The following CSDE1 variants were observed in gnomAD, a reference collection of about 807,000 sequenced individuals.
CSDE1 encodes cold shock domain containing E1.
A neutral mutation model predicts 89.3 loss-of-function variants in CSDE1; 17 were observed. The observed-to-expected ratio is 0.19, with a 90% confidence interval of 0.13 to 0.29. The LOEUF is 0.29. CSDE1 is among the 10% of genes least tolerant of loss of function. The pLI, the probability that CSDE1 is intolerant of heterozygous loss-of-function variation, is 1.00. For missense variants in CSDE1, 672 were observed against 984.2 expected (o/e 0.68, Z 4.24); for synonymous variants, 322 against 332.8 (o/e 0.97, Z 0.35).
chr1:114,730,234 T>C (rs768207261), intron 12 of CSDE1, 24 bp downstream of exon 12: 29 of 1,606,010 alleles, frequency 1.8e-5, no homozygotes, highest in Non-Finnish European at 2.4e-5. Context: ...GCTACAAAAA[T>C]CATTTGGATT....
intron 6 of CSDE1, among the ~76,000 whole-genome samples, chr1:114,735,322 C>A (rs1660342124): frequency 6.6e-6 from 1 of 152,058 alleles, no homozygotes; most frequent in African/African-American, 2.4e-5. Context: ...GACAAATAAC[C>A]CAAAATGTGC....
intron 2 of CSDE1, among the ~76,000 whole-genome samples, chr1:114,743,883 T>C (rs952916240): frequency 6.6e-6 from 1 of 152,236 alleles, no homozygotes; most frequent in African/African-American, 2.4e-5. Flanking sequence ...GAAGCCTTTA[T>C]TTTATTTTTC....
rs1659793074 is a variant in CSDE1, at chr1:114,726,304, G to A, written c.1547C>T (p.Ser516Phe). Residue 516 changes from serine (S) to phenylalanine (F), a missense_variant, in exon 14 of 20, where the codon TCC (serine) becomes TTC (phenylalanine). Ser to Phe is a radical substitution (Grantham distance 155, BLOSUM62 -2). This residue lies in a region of CSDE1 where 108 missense variants were observed against 105.0 expected (regional missense o/e 1.03). Transcript: ENST00000358528. Reference protein sequence around the residue: ...CVRLLGRNSNSKRLLGYVATL... With the variant: ...CVRLLGRNSNFKRLLGYVATL... ...TGCCACATAACCCAAGAGCCTCTTG[G>A]AGTTAGAATTACGACCTAAAAGTCG... 3 of 1,613,796 alleles carry A rather than the reference G, an allele frequency of 1.9e-6. No individual in the cohort carries two copies. Among genetic ancestry groups the A allele is most frequent in the African/African-American group, 1.3e-5 (1 of 75,018 alleles).
chr1:114,757,286 G>A (rs1661654092), intron 1 of CSDE1, among the ~76,000 whole-genome samples: 1 of 152,160 alleles, frequency 6.6e-6, no homozygotes, highest in African/African-American at 2.4e-5. Flanking sequence ...GGGGAAAGGT[G>A]TCTTTAAACA....
intron 7 of CSDE1, 89 bp from the exon 8 acceptor site, chr1:114,734,206 T>A: frequency 7.1e-7 from 1 of 1,399,722 alleles, no homozygotes; most frequent in South Asian, 1.3e-5. Flanking sequence ...TGTAAAATTA[T>A]ACTGTAGTCA....
chr1:114,739,322 C>T (rs1290760831), intron 3 of CSDE1, among the ~76,000 whole-genome samples: 9 of 152,156 alleles, frequency 5.9e-5, no homozygotes, highest in Non-Finnish European at 1.3e-4. Context: ...TAAGCCACCG[C>T]GCCCAGCTTC....
rs2100997505 is a variant in CSDE1, at chr1:114,716,934, T to A, written c.*1235A>T. ...TAGGTGCTAGTGTCTCAAAAATCAG[T>A]AAAACTTTATTCGCTTCCATTCTTT... On this transcript the variant is annotated 3_prime_UTR_variant, in exon 20 of 20. Coordinates refer to ENST00000358528, the MANE Select transcript of CSDE1 (RefSeq NM_001007553.3). 6.5e-6 allele frequency: 1 copy of A among 152,802 alleles called. No homozygotes were observed. The highest frequency in any genetic ancestry group is 6.5e-5 in the Admixed American group (1 of 15,302). The allele number at this position is 152,802 out of a possible 1,614,324, so 9.5% of individuals were successfully genotyped here. A position where few individuals can be genotyped will look rare whatever the true frequency, so the allele number is the denominator to read the frequency against.
Position 114,732,604 on chromosome 1 carries a change from C to G in CSDE1, c.1050G>C (p.Met350Ile), listed in dbSNP as rs370299819. ...TFQFTNEARE[M>I]GVIAAMRDGF... ...ATATCCAGTAATATCCAACACTTAC[C>G]ATTTCTCGGGCTTCATTAGTGAACT... Residue 350 changes from methionine (M) to isoleucine (I), a missense_variant and splice_region_variant, in exon 10 of 20, where the codon ATG becomes ATC. By Grantham distance (10) the Met-to-Ile change is conservative. Transcript: ENST00000358528. 8 of 1,613,392 alleles carry G rather than the reference C, an allele frequency of 5.0e-6. No individual in the cohort carries two copies. The African/African-American group carries it at 1.1e-4, about 22-fold the overall frequency.
intron 16 of CSDE1, among the ~76,000 whole-genome samples, chr1:114,723,482 G>C (rs1557990536): frequency 1.3e-5 from 2 of 152,010 alleles, no homozygotes; most frequent in Non-Finnish European, 2.9e-5. Flanking sequence ...GTGTAGTGTA[G>C]GGGGGAAAAA....
chr1:114,725,084 C>CAGGT, intron 15 of CSDE1, 137 bp downstream of exon 15: 1 of 702,544 alleles, frequency 1.4e-6, no homozygotes, highest in South Asian at 1.7e-5. Flanking sequence ...AACAAGCAAC[C>CAGGT]AGGTGATGCT....
chr1:114,718,489 T>C (rs1011606369), intron 19 of CSDE1, 124 bp downstream of exon 19: 6 of 1,307,938 alleles, frequency 4.6e-6, no homozygotes, highest in Non-Finnish European at 6.2e-6. Context: ...AAGTCCTAAC[T>C]AGTTATAAGC....
chr1:114,728,374 G>A (rs539424652), intron 12 of CSDE1, among the ~76,000 whole-genome samples: 68 of 152,184 alleles, frequency 4.5e-4, no homozygotes, highest in African/African-American at 1.6e-3. Flanking sequence ...ATCAACAGCT[G>A]ACAATATACT....
rs150737580 is a variant in CSDE1 at position 114,748,048 on chromosome 1, A to G, written c.-1+1773T>C. Among the ~76,000 whole-genome samples, 961 of 152,364 alleles carry G rather than the reference A, an allele frequency of 6.3e-3. 7 individuals carry two copies. The highest frequency in any genetic ancestry group is 0.01 in the Non-Finnish European group (704 of 68,038). On this transcript the variant is annotated intron_variant, in intron 2 of 19. Coordinates refer to ENST00000358528, the MANE Select transcript of CSDE1 (RefSeq NM_001007553.3). ...AATGCTACAATTACCTTAAAATTAA[A>G]TAACAGTGTCTGTTTATGAGACATA...
intron 3 of CSDE1, among the ~76,000 whole-genome samples, chr1:114,739,347 C>CT (rs1490861605): frequency 2.6e-5 from 4 of 152,162 alleles, no homozygotes; most frequent in African/African-American, 9.7e-5. Flanking sequence ...AGGTGACACT[C>CT]TAAGGATTAC....
chr1:114,749,569 C>T (rs17032872), intron 2 of CSDE1, among the ~76,000 whole-genome samples: 4,781 of 152,152 alleles, frequency 0.031, 260 homozygotes, highest in African/African-American at 0.11. Context: ...ATAGTACAGA[C>T]GGAGCTTCTC....
rs1281317395 is a variant in CSDE1 at position 114,723,959 on chromosome 1, G to A, written c.1797C>T (p.Gly599=). Residue 599 remains glycine, a synonymous_variant, in exon 16 of 20, where the codon GGC becomes GGT. Coordinates refer to ENST00000358528, the MANE Select transcript of CSDE1 (RefSeq NM_001007553.3). ...TEEADPTIYS[G]KVIRPLRSVD... is the part of the protein sequence containing the mutation. ...CACTCCTCAGGGGGCGAATTACTTT[G>A]CCAGAGTAAATGGTGGGATCAGCTT... 1.2e-6 allele frequency: 2 copies of A among 1,614,012 alleles called. No homozygotes were observed. Among genetic ancestry groups the A allele is most frequent in the Admixed American group, 3.3e-5 (2 of 60,012 alleles).
At chr1:114,737,043 G>C (rs1268330174) in intron 5 of CSDE1, among the ~76,000 whole-genome samples, 188 bp from the exon 6 acceptor site, 1 of 152,032 alleles carries the variant, frequency 6.6e-6, no homozygotes, top group East Asian at 1.9e-4. Context: ...TGACTTCTGC[G>C]AGTCCACAGC....
At chr1:114,737,263 C>CAT (rs1660456851) in intron 5 of CSDE1, among the ~76,000 whole-genome samples, 2 of 152,100 alleles carry the variant, frequency 1.3e-5, no homozygotes, top group Non-Finnish European at 2.9e-5. Context: ...TAACTAAGGT[C>CAT]ATACTTGGGC....
chr1:114,743,445 A>G (rs1202698282), intron 2 of CSDE1, among the ~76,000 whole-genome samples: 1 of 152,164 alleles, frequency 6.6e-6, no homozygotes, highest in African/African-American at 2.4e-5. Flanking sequence ...CGGCCCCTGC[A>G]CTGCGCCCTG....
Sources: allele counts gnomAD v4.1 joint callset (sites outside exome capture counted in the v4.1 genomes callset), GRCh38; gene constraint gnomAD v4.1.1; regional missense constraint gnomAD v4.1.1; transcripts MANE v1.5; gene names NCBI Gene and HGNC (gene_info 2026-07-23, HGNC 2026-07-21).